The following ST8SIA6 variants were observed in gnomAD, a reference collection of about 807,000 sequenced individuals.
ST8SIA6 encodes ST8 alpha-N-acetyl-neuraminide alpha-2,8-sialyltransferase 6.
Under a neutral mutation model 33.6 loss-of-function variants are expected in ST8SIA6, and 39 were observed. The observed-to-expected ratio is 1.16, with a 90% CI of 0.90 to 1.52. ST8SIA6 has a LOEUF of 1.52. Among genes scored for constraint, ST8SIA6 ranks in the 40% most tolerant of loss-of-function variants. The pLI, the probability that ST8SIA6 is intolerant of heterozygous loss-of-function variation, is 0.00. For missense variants in ST8SIA6, 441 were observed against 443.8 expected (o/e 0.99, Z 0.06); for synonymous variants, 172 against 167.2 (o/e 1.03, Z -0.22).
chr10:17,408,671 A>AAAAT (rs1588897900), intron 2 of ST8SIA6, among the ~76,000 whole-genome samples: 1 of 152,148 alleles, frequency 6.6e-6, no homozygotes, highest in Non-Finnish European at 1.5e-5. Context: ...AAAAAAAGAT[A>AAAAT]AAATAAATAA....
intron 4 of ST8SIA6, among the ~76,000 whole-genome samples, chr10:17,333,711 A>T (rs1189475144): frequency 0.043 from 1,039 of 24,314 alleles, 192 homozygotes; most frequent in East Asian, 0.4. Flanking sequence ...ATATATATAT[A>T]TATATATTTT....
intron 7 of ST8SIA6, among the ~76,000 whole-genome samples, chr10:17,322,735 G>T (rs1847998467): frequency 6.6e-6 from 1 of 152,020 alleles, no homozygotes; most frequent in Non-Finnish European, 1.5e-5. Flanking sequence ...GTTTTATCAA[G>T]AAAGTGCTAC....
At chr10:17,340,055 T>A (rs1848623023) in intron 4 of ST8SIA6, among the ~76,000 whole-genome samples, 1 of 152,220 alleles carries the variant, frequency 6.6e-6, no homozygotes. Flanking sequence ...ACTATTCCTC[T>A]AAAGCCATTG....
intron 2 of ST8SIA6, among the ~76,000 whole-genome samples, chr10:17,398,482 C>T (rs1850909859): frequency 6.6e-6 from 1 of 152,122 alleles, no homozygotes; most frequent in Admixed American, 6.5e-5. Flanking sequence ...CTGTATATGA[C>T]TCGTAATTAA....
At chr10:17,361,447 G>T (rs1312404633) in intron 3 of ST8SIA6, among the ~76,000 whole-genome samples, 9 of 151,070 alleles carry the variant, frequency 6.0e-5, no homozygotes, top group Non-Finnish European at 1.3e-4. Flanking sequence ...CACTCAAGAA[G>T]AAATTAATAA....
chr10:17,435,447 C>G (rs1194029175), intron 2 of ST8SIA6, among the ~76,000 whole-genome samples: 1 of 152,152 alleles, frequency 6.6e-6, no homozygotes, highest in Non-Finnish European at 1.5e-5. Context: ...AGTTACTGAC[C>G]TCTCTGTGTT....
chr10:17,360,711 TATC>T (rs1015882769), intron 3 of ST8SIA6, among the ~76,000 whole-genome samples: 10 of 152,060 alleles, frequency 6.6e-5, no homozygotes, highest in African/African-American at 2.4e-4. Context: ...ATTAAAATGT[TATC>T]ATAAAAATAA....
intron 2 of ST8SIA6, among the ~76,000 whole-genome samples, chr10:17,419,639 T>C (rs1279003450): frequency 2.0e-5 from 3 of 152,224 alleles, no homozygotes; most frequent in African/African-American, 7.2e-5. Context: ...TCATTGTCTT[T>C]GAAAAGGAAG....
intron 4 of ST8SIA6, among the ~76,000 whole-genome samples, chr10:17,331,989 T>G (rs548361906): frequency 1.3e-5 from 2 of 152,264 alleles, no homozygotes; most frequent in South Asian, 2.1e-4. Flanking sequence ...CCCCTCTCTG[T>G]GTCTATGTGT....
chr10:17,371,795 AAAAAAAAAG>A (rs1217016339), intron 3 of ST8SIA6, among the ~76,000 whole-genome samples: 4 of 145,534 alleles, frequency 2.7e-5, no homozygotes, highest in African/African-American at 1.1e-4. Flanking sequence ...AAAAAAAAAA[AAAAAAAAAG>A]AAAGAAAGTA....
intron 2 of ST8SIA6, among the ~76,000 whole-genome samples, chr10:17,402,982 C>A (rs1268789347): frequency 1.3e-5 from 2 of 151,856 alleles, no homozygotes; most frequent in African/African-American, 4.8e-5. Flanking sequence ...CAGTGCAAAC[C>A]TATCCACTGT....
chr10:17,412,334 C>A (rs1419846748), intron 2 of ST8SIA6, among the ~76,000 whole-genome samples: 3 of 152,114 alleles, frequency 2.0e-5, no homozygotes, highest in Admixed American at 6.5e-5. Flanking sequence ...AAGCCCAATC[C>A]CCAGACCTGG....
intron 2 of ST8SIA6, among the ~76,000 whole-genome samples, chr10:17,403,772 G>C (rs1326619495): frequency 6.6e-6 from 1 of 152,056 alleles, no homozygotes; most frequent in Non-Finnish European, 1.5e-5. Flanking sequence ...TCTTAGTTAA[G>C]AATGAAGGAG....
chr10:17,337,152 C>T (rs1248456642), intron 4 of ST8SIA6, among the ~76,000 whole-genome samples: 2 of 130,070 alleles, frequency 1.5e-5, no homozygotes, highest in East Asian at 1.9e-4. Context: ...CCCCTTCTCT[C>T]TCTTCCTCCG....
chr10:17,325,323 C>T (rs1425354146), intron 6 of ST8SIA6, among the ~76,000 whole-genome samples: 1 of 145,666 alleles, frequency 6.9e-6, no homozygotes, highest in East Asian at 2.0e-4. Context: ...ATTTATCATA[C>T]ATATGTATAA....
At chr10:17,447,121 T>C (rs1415742750) in intron 2 of ST8SIA6, among the ~76,000 whole-genome samples, 5 of 151,800 alleles carry the variant, frequency 3.3e-5, no homozygotes, top group African/African-American at 1.2e-4. Context: ...CCGGGAGCAG[T>C]AGCCCATGCC....
chr10:17,433,322 G>A (rs957280631), intron 2 of ST8SIA6, among the ~76,000 whole-genome samples: 5 of 152,064 alleles, frequency 3.3e-5, no homozygotes, highest in Non-Finnish European at 5.9e-5. Context: ...TTAAACACCT[G>A]TGGTCCAAAA....
In ST8SIA6 at chr10:17,332,185, A is replaced by G. The variant is rs188363440; in HGVS notation, c.378-633T>C. Among the ~76,000 whole-genome samples the G allele has an allele frequency of 7.8e-3, 1,185 of 152,130 alleles. 4 individuals carry two copies. Among genetic ancestry groups the G allele is most frequent in the Non-Finnish European group, 1.0e-2 (678 of 67,992 alleles). ...ATATTTACCATATTTTCTTTATCCA[A>G]TCTATCATTGATGGGCATTTGGGTT... On this transcript the variant is annotated intron_variant, in intron 4 of 7. Coordinates refer to ENST00000377602, the MANE Select transcript of ST8SIA6 (RefSeq NM_001004470.3).
chr10:17,406,886 C>T (rs929553572), intron 2 of ST8SIA6, among the ~76,000 whole-genome samples: 16 of 151,684 alleles, frequency 1.1e-4, no homozygotes, highest in African/African-American at 3.9e-4. Flanking sequence ...CCTCCGCCTC[C>T]CGTGTTCAAG....
Sources: allele counts gnomAD v4.1 joint callset (sites outside exome capture counted in the v4.1 genomes callset), GRCh38; gene constraint gnomAD v4.1.1; transcripts MANE v1.5; gene names NCBI Gene and HGNC (gene_info 2026-07-23, HGNC 2026-07-21).